The following PSMA7 variants were observed in gnomAD, a reference collection of about 807,000 sequenced individuals.
PSMA7 encodes proteasome 20S subunit alpha 7, also known as proteasome subunit alpha type-7.
Under a neutral mutation model 31.3 loss-of-function variants are expected in PSMA7, and 5 were observed. That is an observed-to-expected ratio of 0.16 (90% confidence interval 0.08 to 0.34). PSMA7 has a LOEUF of 0.34. Among genes scored for constraint, PSMA7 ranks in the 10% least tolerant of loss-of-function variants. The probability of loss-of-function intolerance (pLI) is 1.00; values close to 1 mark genes in which losing one functional copy is unlikely to be tolerated. For synonymous variants in PSMA7, 155 were observed against 121.9 expected (o/e 1.27, Z -1.79); for missense variants, 217 against 327.5 (o/e 0.66, Z 2.60).
chr20:62,138,219 A>G lies in PSMA7; in HGVS notation c.543T>C (p.Ile181=), dbSNP rs1326440744. Residue 181 remains isoleucine, a synonymous_variant, in exon 5 of 7, where the codon ATT becomes ATC. Coordinates refer to ENST00000370873, the MANE Select transcript of PSMA7 (RefSeq NM_002792.4). ...FLEKNYTDEA[I]ETDDLTIKLV... ...GCTTAATGGTCAGATCATCTGTTTC[A>G]ATGGCTTCGTCAGTATAGTTCTTCT... 1 of 1,614,228 alleles carries G rather than the reference A, an allele frequency of 6.2e-7. No homozygotes were observed. The highest frequency in any genetic ancestry group is 1.3e-5 in the African/African-American group (1 of 75,066).
chr20:62,142,472 G>A (rs935489118), intron 1 of PSMA7: 3 of 152,288 alleles, frequency 2.0e-5, no homozygotes, highest in African/African-American at 7.2e-5. Flanking sequence ...CTCACAGACT[G>A]ACCAATTAAA....
At chr20:62,142,534 C>T (rs2056938940) in intron 1 of PSMA7, 1 of 152,246 alleles carries the variant, frequency 6.6e-6, no homozygotes, top group Non-Finnish European at 1.5e-5. Flanking sequence ...TCACTAAGGT[C>T]AATGTACACG....
chr20:62,136,850 T>G lies in PSMA7; in HGVS notation c.*7A>C. 1 of 1,592,476 alleles carries G rather than the reference T, an allele frequency of 6.3e-7. No individual in the cohort carries two copies. The highest frequency in any genetic ancestry group is 1.2e-5 in the South Asian group (1 of 86,508). ...TTTAAAAATTACAAGCAAAGACATT[T>G]TATTCATCATGATGCTTTCTTTTGT... On this transcript the variant is annotated 3_prime_UTR_variant, in exon 7 of 7. Coordinates refer to ENST00000370873, the MANE Select transcript of PSMA7 (RefSeq NM_002792.4).
intron 1 of PSMA7, 31 bp downstream of exon 1, chr20:62,143,177 C>G: frequency 1.5e-6 from 2 of 1,337,174 alleles, no homozygotes; most frequent in Non-Finnish European, 1.9e-6. Context: ...CCGCCCGCGT[C>G]CCCGGCCCCG....
intron 4 of PSMA7, among the ~76,000 whole-genome samples, chr20:62,138,817 C>G (rs559245484): frequency 6.6e-6 from 1 of 152,260 alleles, no homozygotes; most frequent in African/African-American, 2.4e-5. Context: ...CTCGGCCTCC[C>G]AAAGTGCTGG....
intron 1 of PSMA7, chr20:62,142,690 G>C (rs946497554): frequency 2.6e-5 from 4 of 152,330 alleles, no homozygotes; most frequent in Non-Finnish European, 5.9e-5. Flanking sequence ...CTTTGTTCTC[G>C]AAGCCCACCT....
chr20:62,138,876 G>A (rs1280455566), intron 4 of PSMA7, among the ~76,000 whole-genome samples, 199 bp downstream of exon 4: 1 of 152,146 alleles, frequency 6.6e-6, no homozygotes, highest in Non-Finnish European at 1.5e-5. Flanking sequence ...TAATTTATGT[G>A]GACTACGCTT....
chr20:62,138,341 GC>G (rs1215724411), intron 4 of PSMA7, 51 bp from the exon 5 acceptor site: 1 of 1,544,082 alleles, frequency 6.5e-7, no homozygotes, highest in Non-Finnish European at 8.7e-7. Flanking sequence ...ACAACCCAGG[GC>G]CAGCCCTGGA....
At chr20:62,137,955 G>A (rs1383892953) in intron 5 of PSMA7, among the ~76,000 whole-genome samples, 3 of 152,098 alleles carry the variant, frequency 2.0e-5, no homozygotes, top group Non-Finnish European at 4.4e-5. Context: ...CAGCTGCCCC[G>A]GCTGGATAAA....
chr20:62,143,161 C>G, intron 1 of PSMA7, 47 bp downstream of exon 1: 1 of 1,283,394 alleles, frequency 7.8e-7, no homozygotes, highest in Non-Finnish European at 1.0e-6. Context: ...CTCCCCAGCC[C>G]CACTTCCGCC....
At chr20:62,143,107 C>T (rs1250888012) in intron 1 of PSMA7, 101 bp downstream of exon 1, 1 of 688,778 alleles carries the variant, frequency 1.5e-6, no homozygotes, top group Non-Finnish European at 1.8e-6. Flanking sequence ...CGCGCACGCC[C>T]GCGGGCGCCC....
chr20:62,140,134 C>T (rs1420408654), intron 2 of PSMA7, among the ~76,000 whole-genome samples: 1 of 152,080 alleles, frequency 6.6e-6, no homozygotes, highest in Admixed American at 6.6e-5. Context: ...CATCGTAAGT[C>T]AAAAATACCT....
intron 3 of PSMA7, 59 bp downstream of exon 3, chr20:62,139,722 T>C: frequency 6.2e-7 from 1 of 1,613,302 alleles, no homozygotes. Flanking sequence ...GGACCCTCCA[T>C]GGCGGAGCCG....
intron 4 of PSMA7, 121 bp from the exon 5 acceptor site, chr20:62,138,411 T>TG: frequency 7.6e-7 from 1 of 1,322,986 alleles, no homozygotes; most frequent in East Asian, 2.4e-5. Flanking sequence ...CAAGCTGGAG[T>TG]GCTGGACAGC....
intron 2 of PSMA7, 119 bp downstream of exon 2, chr20:62,140,699 G>T: frequency 2.4e-6 from 3 of 1,273,236 alleles, no homozygotes; most frequent in Non-Finnish European, 3.2e-6. Flanking sequence ...TCTTTTAAAT[G>T]ATTTTCATTT....
intron 1 of PSMA7, chr20:62,142,559 C>A (rs1023987247): frequency 6.6e-6 from 1 of 152,256 alleles, no homozygotes; most frequent in African/African-American, 2.4e-5. Context: ...CTCGTCAAAA[C>A]GAAACGGCCG....
intron 4 of PSMA7, 57 bp from the exon 5 acceptor site, chr20:62,138,347 C>T: frequency 3.9e-6 from 6 of 1,540,732 alleles, no homozygotes; most frequent in Middle Eastern, 2.0e-4. Flanking sequence ...CAGGGCCAGC[C>T]CTGGAACACA....
intron 1 of PSMA7, 29 bp from the exon 2 acceptor site, chr20:62,140,973 G>T (rs1176947983): frequency 6.2e-7 from 1 of 1,613,006 alleles, no homozygotes; most frequent in African/African-American, 1.3e-5. Context: ...AACCACGTAA[G>T]AAAGTGATAT....
At chr20:62,138,357 A>C in intron 4 of PSMA7, 67 bp from the exon 5 acceptor site, 1 of 1,528,976 alleles carries the variant, frequency 6.5e-7, no homozygotes, top group Non-Finnish European at 8.8e-7. Flanking sequence ...CCTGGAACAC[A>C]GCTGCCCTAC....
Sources: allele counts gnomAD v4.1 joint callset (sites outside exome capture counted in the v4.1 genomes callset), GRCh38; gene constraint gnomAD v4.1.1; transcripts MANE v1.5; gene names NCBI Gene and HGNC (gene_info 2026-07-23, HGNC 2026-07-21).